NRAP: variants seen among roughly 807,000 people sequenced by gnomAD.
The protein encoded by NRAP is nebulin-related-anchoring protein.
NRAP carries 189 observed loss-of-function variants against 225.9 expected under a neutral mutation model. The ratio of observed to expected loss-of-function variants is 0.84; its 90% CI spans 0.74 to 0.94. The LOEUF (loss-of-function observed/expected upper bound fraction) is 0.94, where lower values mean the gene tolerates loss of function less well. NRAP is among the 40% of genes least tolerant of loss of function. The pLI, the probability that NRAP is intolerant of heterozygous loss-of-function variation, is 0.00. For missense variants in NRAP, 2,176 were observed against 2,168.7 expected (o/e 1.00, Z -0.07); for synonymous variants, 769 against 790.7 (o/e 0.97, Z 0.46).
chr10:113,591,407 C>G (rs1845984132), intron 39 of NRAP, among the ~76,000 whole-genome samples: 1 of 152,186 alleles, frequency 6.6e-6, no homozygotes, highest in South Asian at 2.1e-4. Flanking sequence ...TTGCATGTGG[C>G]TAGTATGTAG....
chr10:113,657,618 A>G, intron 3 of NRAP, 44 bp from the exon 4 acceptor site: 1 of 1,144,588 alleles, frequency 8.7e-7, no homozygotes, highest in Non-Finnish European at 1.3e-6. Context: ...ATCAGAAAAG[A>G]GAAAAAAACA....
intron 32 of NRAP, among the ~76,000 whole-genome samples, chr10:113,607,425 A>C (rs1177298678): frequency 7.0e-6 from 1 of 143,390 alleles, no homozygotes; most frequent in African/African-American, 2.6e-5. Flanking sequence ...AAAAAAAAAA[A>C]AAAAAAAAAA....
intron 25 of NRAP, among the ~76,000 whole-genome samples, chr10:113,618,160 A>T (rs1847780065): frequency 6.6e-6 from 1 of 152,186 alleles, no homozygotes; most frequent in Non-Finnish European, 1.5e-5. Flanking sequence ...AAAAAAAAAA[A>T]AAATCACAAA....
At chr10:113,603,039 T>G (rs753589131) in intron 35 of NRAP, among the ~76,000 whole-genome samples, 14 of 152,122 alleles carry the variant, frequency 9.2e-5, no homozygotes, top group Non-Finnish European at 1.8e-4. Flanking sequence ...GGTGCAGACG[T>G]TGAGAAACCC....
intron 35 of NRAP, among the ~76,000 whole-genome samples, chr10:113,600,125 C>T (rs981627103): frequency 2.7e-5 from 4 of 150,000 alleles, no homozygotes; most frequent in African/African-American, 4.9e-5. Flanking sequence ...TCATTCAGTC[C>T]TCACACCATC....
chr10:113,656,091 C>G (rs1850292071), intron 4 of NRAP, among the ~76,000 whole-genome samples: 1 of 152,050 alleles, frequency 6.6e-6, no homozygotes, highest in South Asian at 2.1e-4. Flanking sequence ...AGCCTACCGA[C>G]CAGCATTAAC....
chr10:113,617,646 G>T, intron 25 of NRAP, 93 bp from the exon 26 acceptor site: 1 of 777,698 alleles, frequency 1.3e-6, no homozygotes, highest in Non-Finnish European at 2.3e-6. Flanking sequence ...AGATTAGAGT[G>T]AATTTGTGAA....
chr10:113,608,478 T>G lies in NRAP; in HGVS notation c.3638A>C (p.Tyr1213Ser), dbSNP rs749707215. The G allele has an allele frequency of 6.2e-6, 10 of 1,613,510 alleles. No homozygotes were observed. Among genetic ancestry groups the G allele is most frequent in the Non-Finnish European group, 8.5e-6 (10 of 1,179,546 alleles). ...KYRQHPHSFK[Y>S]TAVTDTPNLL... ...GTTGGGAGTGTCTGTCACAGCTGTGTACTTGAATGAGTGGGGATGCTGCCG... is the reference window on the plus strand; with the variant it reads ...GTTGGGAGTGTCTGTCACAGCTGTGGACTTGAATGAGTGGGGATGCTGCCG... Residue 1213 changes from tyrosine (Y) to serine (S), a missense_variant, in exon 32 of 42, where the codon TAC becomes TCC. Tyr to Ser is a moderately radical substitution (Grantham distance 144). Transcript: ENST00000359988.
At chr10:113,637,568 T>C (rs1463674631) in intron 14 of NRAP, among the ~76,000 whole-genome samples, 3 of 152,208 alleles carry the variant, frequency 2.0e-5, no homozygotes, top group Non-Finnish European at 2.9e-5. Context: ...GAACAGGACC[T>C]AGAAATAACG....
chr10:113,594,394 G>A (rs1276132780), intron 38 of NRAP, among the ~76,000 whole-genome samples: 1 of 152,204 alleles, frequency 6.6e-6, no homozygotes, highest in African/African-American at 2.4e-5. Flanking sequence ...TCCCTTGTGA[G>A]AGGGAAGATG....
At chr10:113,622,882 C>A (rs142640949) in intron 23 of NRAP, among the ~76,000 whole-genome samples, 2 of 152,334 alleles carry the variant, frequency 1.3e-5, no homozygotes, top group East Asian at 3.9e-4. Flanking sequence ...CCAACCACAT[C>A]ACCAAGCCAG....
In NRAP at chr10:113,589,789, A is replaced by G. The variant is rs1845841606; in HGVS notation, c.4965T>C (p.Tyr1655=). 6.2e-7 allele frequency: 1 copy of G among 1,613,830 alleles called. No individual in the cohort carries two copies. Among genetic ancestry groups the G allele is most frequent in the Non-Finnish European group, 8.5e-7 (1 of 1,179,960 alleles). ...KAHQLQSDVK[Y]KSDLNLTRGV... is the part of the protein sequence containing the mutation. ...CTCTGGTCAGGTTCAAGTCTGATTT[A>G]TACTTGACCTTGAGGGTAAGAGGGA... The change falls in exon 41 of 42, where the codon TAT becomes TAC. Residue 1655 remains tyrosine (Y), a synonymous_variant. Transcript: ENST00000359988.
intron 11 of NRAP, among the ~76,000 whole-genome samples, chr10:113,643,625 G>T (rs977738047): frequency 6.6e-6 from 1 of 152,170 alleles, no homozygotes; most frequent in Non-Finnish European, 1.5e-5. Flanking sequence ...GAGCTCTCCC[G>T]GGTGCCTGGA....
rs188073003 is a variant in NRAP at position 113,597,046 on chromosome 10, T to A, written c.4431+40A>T. ...GACCCGGACCACTGAGCAGCAGTGCTACACTGCATGCCCGGGATGAATGAC... is the reference window on the plus strand; with the variant it reads ...GACCCGGACCACTGAGCAGCAGTGCAACACTGCATGCCCGGGATGAATGAC... On this transcript the variant is annotated intron_variant, in intron 37 of 41. Coordinates refer to ENST00000359988, the MANE Select transcript of NRAP (RefSeq NM_198060.4). The A allele has an allele frequency of 2.2e-6, 3 of 1,343,594 alleles. No homozygotes were observed. In the East Asian group the frequency reaches 6.9e-5, roughly 31 times the overall value. The allele number at this position is 1,343,594 out of a possible 1,614,324, so 83.2% of individuals were successfully genotyped here.
chr10:113,658,881 C>CAAA (rs57340533), intron 3 of NRAP, among the ~76,000 whole-genome samples: 15 of 78,128 alleles, frequency 1.9e-4, no homozygotes, highest in African/African-American at 3.6e-4. Flanking sequence ...GACCCTGTCT[C>CAAA]AAAAAAAAAA....
At chr10:113,604,458 AAAT>A (rs1846806931) in intron 35 of NRAP, 148 bp downstream of exon 35, 2 of 647,420 alleles carry the variant, frequency 3.1e-6, no homozygotes, top group Non-Finnish European at 5.3e-6. Context: ...ATTCCAACCT[AAAT>A]GACATAGACC....
At chr10:113,622,261 G>A (rs2133986583) in intron 23 of NRAP, 81 bp from the exon 24 acceptor site, 1 of 921,090 alleles carries the variant, frequency 1.1e-6, no homozygotes, top group Non-Finnish European at 1.7e-6. Flanking sequence ...CATGGGAGCT[G>A]AAACAAAGCC....
chr10:113,595,813 C>T (rs1395499143), intron 37 of NRAP, 86 bp from the exon 38 acceptor site: 15 of 892,218 alleles, frequency 1.7e-5, no homozygotes, highest in Middle Eastern at 2.4e-4. Context: ...TTTCCTGCCC[C>T]TCCCACCTGA....
At chr10:113,638,076 A>T (rs1848984365) in intron 14 of NRAP, among the ~76,000 whole-genome samples, 1 of 152,240 alleles carries the variant, frequency 6.6e-6, no homozygotes, top group African/African-American at 2.4e-5. Context: ...AAGTACAGTG[A>T]CTTCCTAATG....
Sources: gnomAD v4.1 joint callset for allele counts (sites outside exome capture counted in the v4.1 genomes callset) on GRCh38, gnomAD v4.1.1 for gene constraint, MANE v1.5 for transcripts, NCBI Gene and HGNC (gene_info 2026-07-23, HGNC 2026-07-21) for gene names.